The following KIAA0586 variants were observed in gnomAD, a reference collection of about 807,000 sequenced individuals.
The protein encoded by KIAA0586 is protein TALPID3.
In KIAA0586, 144 loss-of-function variants were observed where a neutral mutation model predicts 169.8. The observed-to-expected ratio is 0.85, with a 90% CI of 0.74 to 0.97. The LOEUF (loss-of-function observed/expected upper bound fraction) is 0.97, where lower values mean the gene tolerates loss of function less well. KIAA0586 is among the 50% of genes least tolerant of loss of function. The probability of loss-of-function intolerance (pLI) is 0.00; values close to 1 mark genes in which losing one functional copy is unlikely to be tolerated. For synonymous variants in KIAA0586, 625 were observed against 612.4 expected (o/e 1.02, Z -0.30); for missense variants, 1,854 against 1,823.0 (o/e 1.02, Z -0.31).
rs1482183306 is a variant in KIAA0586 at position 58,549,578 on chromosome 14, C to CT, written c.*1649dup. The CT allele has an allele frequency of 6.6e-6, 1 of 152,172 alleles. No homozygotes were observed. Among genetic ancestry groups the CT allele is most frequent in the Non-Finnish European group, 1.5e-5 (1 of 68,034 alleles). The allele number at this position is 152,172 out of a possible 1,614,324, so 9.4% of individuals were successfully genotyped here. A position where few individuals can be genotyped will look rare whatever the true frequency, so the allele number is the denominator to read the frequency against. ...GGTTACTGGAATGTTTTAGGTTTCA[C>CT]TTTAGAACCCGTTTTCTTTGATATG... On this transcript the variant is annotated 3_prime_UTR_variant, in exon 31 of 31. Transcript: ENST00000652326.
At chr14:58,461,502 A>G (rs1278257303) in intron 14 of KIAA0586, among the ~76,000 whole-genome samples, 1 of 151,866 alleles carries the variant, frequency 6.6e-6, no homozygotes, top group Non-Finnish European at 1.5e-5. Context: ...TGGCACAATC[A>G]TGGTTCACTG....
At chr14:58,444,547 CCATATAGTTGGGATTACAGGCGCACA>C (rs2038688410) in intron 6 of KIAA0586, among the ~76,000 whole-genome samples, 1 of 152,036 alleles carries the variant, frequency 6.6e-6, no homozygotes, top group Non-Finnish European at 1.5e-5. Flanking sequence ...CCTCAGCCTC[CCATATAGTTGGGATTACAGGCGCACA>C]CCACCACGCC....
intron 4 of KIAA0586, chr14:58,441,037 G>C (rs2038305847): frequency 5.3e-6 from 1 of 189,782 alleles, no homozygotes; most frequent in African/African-American, 2.3e-5. Context: ...TGATGGGTAT[G>C]CTAATAGCTT....
At chr14:58,482,784 T>C in intron 21 of KIAA0586, 72 bp downstream of exon 21, 3 of 1,012,868 alleles carry the variant, frequency 3.0e-6, no homozygotes, top group Non-Finnish European at 4.3e-6. Context: ...TACCATAAGA[T>C]CATTGTTTGT....
chr14:58,501,132 G>C (rs1175859371), intron 27 of KIAA0586, among the ~76,000 whole-genome samples: 1 of 152,184 alleles, frequency 6.6e-6, no homozygotes, highest in Non-Finnish European at 1.5e-5. Flanking sequence ...AGAAACTTCT[G>C]GAGGCATGCA....
chr14:58,503,429 G>C (rs919907428), intron 27 of KIAA0586, among the ~76,000 whole-genome samples: 1 of 152,164 alleles, frequency 6.6e-6, no homozygotes, highest in Non-Finnish European at 1.5e-5. Context: ...GAATTAGCCA[G>C]ATGGTAAATT....
chr14:58,509,703 A>C (rs2141444120), intron 28 of KIAA0586, among the ~76,000 whole-genome samples: 1 of 152,348 alleles, frequency 6.6e-6, no homozygotes, highest in South Asian at 2.1e-4. Flanking sequence ...ATGATCAGGA[A>C]AAACTAGTTA....
chr14:58,484,904 A>ATATATATTTTTT (rs1566876980), intron 21 of KIAA0586, among the ~76,000 whole-genome samples: 2 of 4,204 alleles, frequency 4.8e-4, no homozygotes, highest in South Asian at 8.9e-3. Flanking sequence ...ATATATATAT[A>ATATATATTTTTT]TATATATATA....
Position 58,448,347 on chromosome 14 carries a change from T to G in KIAA0586, c.815T>G (p.Phe272Cys), listed in dbSNP as rs2039078597. 1.5e-5 allele frequency: 24 copies of G among 1,561,576 alleles called. 1 individual carries two copies. In the East Asian group the frequency reaches 5.4e-4, roughly 35 times the overall value. Residue 272 changes from phenylalanine (F) to cysteine (C), a missense_variant, in exon 7 of 31, where the codon TTT (phenylalanine) becomes TGT (cysteine). Phe to Cys is a radical substitution (Grantham distance 205, BLOSUM62 -2). Transcript: ENST00000652326. ...TAATCTTATTTCTTCTAGACTCATTTTATTAGTGCTGCACTCAAGACTAGT... is the reference window on the plus strand; with the variant it reads ...TAATCTTATTTCTTCTAGACTCATTGTATTAGTGCTGCACTCAAGACTAGT... The part of the protein sequence containing the change: ...QQQQIDIQTH[F>C]ISAALKTSSF...
intron 28 of KIAA0586, 48 bp from the exon 29 acceptor site, chr14:58,512,474 T>C: frequency 1.9e-6 from 2 of 1,034,014 alleles, no homozygotes; most frequent in South Asian, 3.5e-5. Context: ...CAGATTTTTT[T>C]AAGTAACTAA....
chr14:58,463,058 T>C lies in KIAA0586; in HGVS notation c.2059+1898T>C, dbSNP rs546868258. 1.8e-4 allele frequency among the ~76,000 whole-genome samples: 28 copies of C among 152,266 alleles called. 1 individual carries two copies. Among genetic ancestry groups the C allele is most frequent in the African/African-American group, 4.1e-4 (17 of 41,546 alleles). ...AGCCATATCAGAACCTAAGGACTTA[T>C]GCTTATCCTAGGGCCTCAGTACCTG... On this transcript the variant is annotated intron_variant, in intron 14 of 30. Coordinates refer to ENST00000652326, the MANE Select transcript of KIAA0586 (RefSeq NM_001329943.3).
intron 4 of KIAA0586, among the ~76,000 whole-genome samples, chr14:58,434,884 C>T (rs2037682375): frequency 6.6e-6 from 1 of 151,980 alleles, no homozygotes; most frequent in Non-Finnish European, 1.5e-5. Flanking sequence ...AATCCTACAA[C>T]CTGAGGTCCC....
intron 29 of KIAA0586, among the ~76,000 whole-genome samples, chr14:58,529,124 G>A (rs965418979): frequency 8.1e-4 from 123 of 152,106 alleles, no homozygotes; most frequent in African/African-American, 2.8e-3. Flanking sequence ...ATAAATTCCT[G>A]GACACATACA....
rs564337946 is a variant in KIAA0586 at position 58,546,857 on chromosome 14, G to A, written c.4496-924G>A. ...TTTTTTTCATATTTCATTAAATGTA[G>A]AGATAATGTCTACTTTACAGTAGAG... On this transcript the variant is annotated intron_variant, in intron 30 of 30. Transcript: ENST00000652326. Among the ~76,000 whole-genome samples the A allele has an allele frequency of 2.0e-5, 3 of 152,142 alleles. No homozygotes were observed. The South Asian group carries it at 6.2e-4, about 32-fold the overall frequency.
chr14:58,428,798 C>T (rs1416299427), intron 1 of KIAA0586, among the ~76,000 whole-genome samples: 1 of 150,758 alleles, frequency 6.6e-6, no homozygotes, highest in Non-Finnish European at 1.5e-5. Context: ...CAAAGTAGTG[C>T]TTTTTACCTA....
intron 15 of KIAA0586, among the ~76,000 whole-genome samples, 187 bp downstream of exon 15, chr14:58,466,216 A>AT (rs1555385584): frequency 6.6e-6 from 1 of 152,180 alleles, no homozygotes; most frequent in Non-Finnish European, 1.5e-5. Flanking sequence ...GTGCCCAGCC[A>AT]TTGAATTTTA....
chr14:58,465,283 T>C (rs988381806), intron 14 of KIAA0586, among the ~76,000 whole-genome samples: 13 of 152,170 alleles, frequency 8.5e-5, no homozygotes, highest in Admixed American at 4.6e-4. Context: ...ATAAAGCTGG[T>C]TATTCAGAAT....
Position 58,465,950 on chromosome 14 carries a change from T to C in KIAA0586, c.2175T>C (p.Tyr725=), listed in dbSNP as rs779840694. Residue 725 remains tyrosine, a synonymous_variant, in exon 15 of 31, where the codon TAT becomes TAC. Transcript: ENST00000652326. ...TGTTACCTCATGGCGATCAGCAATA[T>C]TTGTTCAGCCCAAGTAGAGAAATGC... ...VPVLPHGDQQ[Y]LFSPSREMPT... is the part of the protein sequence containing the mutation. The C allele has an allele frequency of 1.5e-5, 25 of 1,613,628 alleles. No homozygotes were observed. Among genetic ancestry groups the C allele is most frequent in the Non-Finnish European group, 2.1e-5 (25 of 1,179,578 alleles).
chr14:58,501,888 C>T (rs866800057), intron 27 of KIAA0586, among the ~76,000 whole-genome samples: 3 of 152,116 alleles, frequency 2.0e-5, no homozygotes, highest in African/African-American at 4.8e-5. Context: ...GTCACAAATC[C>T]GGTAGTGGCT....
Sources: gnomAD v4.1 joint callset for allele counts (sites outside exome capture counted in the v4.1 genomes callset) on GRCh38, gnomAD v4.1.1 for gene constraint, MANE v1.5 for transcripts, NCBI Gene and HGNC (gene_info 2026-07-23, HGNC 2026-07-21) for gene names.